The following EPCAM variants were observed in gnomAD, a reference collection of about 807,000 sequenced individuals.
The protein encoded by EPCAM is adenocarcinoma-associated antigen.
A neutral mutation model predicts 40.0 loss-of-function variants in EPCAM; 39 were observed. The observed-to-expected ratio is 0.98, with a 90% CI of 0.76 to 1.27. The LOEUF is 1.27. EPCAM is among the 50% of genes most tolerant of loss of function. The pLI is 0.00. For missense variants in EPCAM, 503 were observed against 381.2 expected, an observed-to-expected ratio of 1.32 and a Z score of -2.66; for synonymous variants, 168 against 132.3, an observed-to-expected ratio of 1.27 and a Z score of -1.85.
At chr2:47,382,750 G>A (rs1671626514) in intron 7 of EPCAM, among the ~76,000 whole-genome samples, 2 of 152,190 alleles carry the variant, frequency 1.3e-5, no homozygotes, top group Admixed American at 1.3e-4. Context: ...GTATCAGTAA[G>A]AGAGTAAATT....
chr2:47,376,907 C>A, intron 4 of EPCAM, 107 bp from the exon 5 acceptor site: 1 of 730,170 alleles, frequency 1.4e-6, no homozygotes, highest in Non-Finnish European at 2.4e-6. Flanking sequence ...AAAATTTTAA[C>A]TTTAATGACA....
chr2:47,369,392 C>G lies in EPCAM; in HGVS notation c.-114C>G. ...CGTCGCTGTCCTCCCGACGCGGACC[C>G]GCGTGCCCCAGGCCTCGCGCTGCCC... On this transcript the variant is annotated 5_prime_UTR_variant, in exon 1 of 9. Transcript: ENST00000263735. 8.3e-7 allele frequency: 1 copy of G among 1,208,452 alleles called. No individual in the cohort carries two copies. Among genetic ancestry groups the G allele is most frequent in the Non-Finnish European group, 1.1e-6 (1 of 928,398 alleles). The allele number at this position is 1,208,452 out of a possible 1,614,324, so 74.9% of individuals were successfully genotyped here.
intron 5 of EPCAM, among the ~76,000 whole-genome samples, chr2:47,377,457 G>C (rs1036112557): frequency 6.6e-6 from 1 of 151,886 alleles, no homozygotes; most frequent in African/African-American, 2.4e-5. Context: ...GGCTGGTCTC[G>C]AACTCCTGGC....
At chr2:47,369,604 G>A (rs1273471797) in intron 1 of EPCAM, 23 bp downstream of exon 1, 2 of 1,580,914 alleles carry the variant, frequency 1.3e-6, no homozygotes, top group Non-Finnish European at 1.7e-6. Context: ...TTGGAGCAGA[G>A]TTGTGGAGCT....
At chr2:47,378,840 C>A in intron 5 of EPCAM, 113 bp from the exon 6 acceptor site, 1 of 671,594 alleles carries the variant, frequency 1.5e-6, no homozygotes, top group Admixed American at 2.2e-5. Context: ...AACAGTGATG[C>A]ATGTAGATTA....
chr2:47,381,255 G>A (rs376517882), intron 7 of EPCAM, among the ~76,000 whole-genome samples: 117 of 151,628 alleles, frequency 7.7e-4, no homozygotes, highest in African/African-American at 2.8e-3. Flanking sequence ...AATTATCCGG[G>A]CATGGTGTCT....
chr2:47,369,771 C>T (rs1248140608), intron 1 of EPCAM, 190 bp downstream of exon 1: 1 of 713,730 alleles, frequency 1.4e-6, no homozygotes. Context: ...CGAGGGCCGT[C>T]CCGGGGAGCA....
chr2:47,370,437 C>T (rs1183270582), intron 1 of EPCAM, among the ~76,000 whole-genome samples: 1 of 151,836 alleles, frequency 6.6e-6, no homozygotes, highest in East Asian at 1.9e-4. Context: ...CCACCACCCC[C>T]CGCTAATTTT....
At chr2:47,373,009 C>A (rs1036169096) in intron 1 of EPCAM, among the ~76,000 whole-genome samples, 2 of 151,560 alleles carry the variant, frequency 1.3e-5, no homozygotes, top group African/African-American at 4.9e-5. Flanking sequence ...AGTTCAAAAC[C>A]AGCCTGGGCA....
chr2:47,380,051 C>A, intron 7 of EPCAM, 82 bp downstream of exon 7: 1 of 1,546,630 alleles, frequency 6.5e-7, no homozygotes, highest in Non-Finnish European at 8.7e-7. Context: ...GGTGGCTCAC[C>A]ACACCTGTTA....
chr2:47,386,609 C>A lies in EPCAM; in HGVS notation c.941C>A (p.Ala314Glu). 1 of 1,601,030 alleles carries A rather than the reference C, an allele frequency of 6.2e-7. No homozygotes were observed. The highest frequency in any genetic ancestry group is 8.6e-7 in the Non-Finnish European group (1 of 1,169,004). Residue 314 changes from alanine (A) to glutamate (E), a missense_variant, in exon 9 of 9, where the codon GCA (alanine) becomes GAA (glutamate). Transcript: ENST00000263735. ...GGTGAGATGCATAGGGAACTCAATG[C>A]ATAACTATATAATTTGAAGATTATA... ...EMGEMHRELN[A>E]
Position 47,379,883 on chromosome 2 carries a change from G to A in EPCAM, c.772G>A (p.Glu258Lys), listed in dbSNP as rs1424085189. ...LIYYVDEKAP[E>K]FSMQGLKAGV... ...TTATTATGTTGATGAAAAAGCACCT[G>A]AATTCTCAATGCAGGGTCTAAAAGC... is the stretch of plus-strand genomic sequence containing the variant. Residue 258 changes from glutamate (E) to lysine (K), a missense_variant, in exon 7 of 9, where the codon GAA (glutamate) becomes AAA (lysine). Physicochemically the swap from Glu to Lys is moderately conservative, Grantham distance 56. Coordinates refer to ENST00000263735, the MANE Select transcript of EPCAM (RefSeq NM_002354.3). 2 of 1,614,046 alleles carry A rather than the reference G, an allele frequency of 1.2e-6. No individual in the cohort carries two copies. The highest frequency in any genetic ancestry group is 1.7e-6 in the Non-Finnish European group (2 of 1,180,060).
Position 47,386,647 on chromosome 2 carries a change from T to G in EPCAM, c.*34T>G. ...TTTGAAGATTATAGAAGAAGGGAAA[T>G]AGCAAATGGACACAAATTACAAATG... is the stretch of plus-strand genomic sequence containing the variant. On this transcript the variant is annotated 3_prime_UTR_variant, in exon 9 of 9. Coordinates refer to ENST00000263735, the MANE Select transcript of EPCAM (RefSeq NM_002354.3). The G allele has an allele frequency of 1.3e-6, 2 of 1,507,956 alleles. No homozygotes were observed. Among genetic ancestry groups the G allele is most frequent in the Non-Finnish European group, 9.2e-7 (1 of 1,084,620 alleles). 93.4% of individuals were successfully genotyped at this position (1,507,956 alleles called of 1,614,324 possible). A position where few individuals can be genotyped will look rare whatever the true frequency, so the allele number is the denominator to read the frequency against.
chr2:47,373,202 CT>C (rs1325389148), intron 1 of EPCAM, among the ~76,000 whole-genome samples: 1 of 63,182 alleles, frequency 1.6e-5, no homozygotes, highest in East Asian at 7.7e-4. Flanking sequence ...GAGACCCTAT[CT>C]TTAAAAAAAA....
chr2:47,385,122 T>A (rs1558441228), intron 7 of EPCAM, 44 bp from the exon 8 acceptor site: 1 of 1,470,258 alleles, frequency 6.8e-7, no homozygotes, highest in Admixed American at 1.7e-5. Flanking sequence ...TAATCTTTTT[T>A]TGAATAGCAG....
intron 5 of EPCAM, 70 bp downstream of exon 5, chr2:47,377,147 C>G (rs2103753730): frequency 1.9e-6 from 2 of 1,048,452 alleles, no homozygotes; most frequent in East Asian, 2.4e-5. Flanking sequence ...ATAAGGACAG[C>G]CAGTGATTTA....
Position 47,386,562 on chromosome 2 carries a change from C to T in EPCAM, c.904-10C>T, listed in dbSNP as rs1671747099. ...TTTAGAATTTTTTTCTGTGCTTTTT[C>T]CTGTTTCAGATAAAGGAGATGGGTG... On this transcript the variant is annotated splice_polypyrimidine_tract_variant and intron_variant, in intron 8 of 8. Coordinates refer to ENST00000263735, the MANE Select transcript of EPCAM (RefSeq NM_002354.3). The T allele has an allele frequency of 1.3e-6, 2 of 1,592,750 alleles. No homozygotes were observed. The highest frequency in any genetic ancestry group is 1.7e-5 in the Admixed American group (1 of 59,260).
intron 5 of EPCAM, 88 bp downstream of exon 5, chr2:47,377,165 G>A (rs936653707): frequency 1.6e-5 from 14 of 878,222 alleles, no homozygotes; most frequent in East Asian, 2.4e-5. Context: ...TTAAGTGGTG[G>A]TTAAATGCAC....
chr2:47,369,475 C>G lies in EPCAM; in HGVS notation c.-31C>G. 4.0e-6 allele frequency: 6 copies of G among 1,497,076 alleles called. No individual in the cohort carries two copies. The highest frequency in any genetic ancestry group is 5.3e-6 in the Non-Finnish European group (6 of 1,127,436). The allele number at this position is 1,497,076 out of a possible 1,614,324, so 92.7% of individuals were successfully genotyped here. On this transcript the variant is annotated 5_prime_UTR_variant, in exon 1 of 9. Coordinates refer to ENST00000263735, the MANE Select transcript of EPCAM (RefSeq NM_002354.3). ...GCCCTCCCGCGAGTCCCGGGCCCCT[C>G]CCGCGCCCCTCTTCTCGGCGCGCGC... is the stretch of plus-strand genomic sequence containing the variant.
Sources: gnomAD v4.1 joint callset for allele counts (sites outside exome capture counted in the v4.1 genomes callset) on GRCh38, gnomAD v4.1.1 for gene constraint, MANE v1.5 for transcripts, NCBI Gene and HGNC (gene_info 2026-07-23, HGNC 2026-07-21) for gene names.